ELOVL2: variants seen among roughly 807,000 people sequenced by gnomAD.
ELOVL2 encodes the protein very long chain fatty acid elongase 2.
A neutral mutation model predicts 37.7 loss-of-function variants in ELOVL2; 38 were observed. The ratio of observed to expected loss-of-function variants is 1.01; its 90% CI spans 0.78 to 1.32. The LOEUF (loss-of-function observed/expected upper bound fraction) is 1.32, where lower values mean the gene tolerates loss of function less well. ELOVL2 is among the 40% of genes most tolerant of loss of function. The pLI is 0.00. For missense variants in ELOVL2, 352 were observed against 363.6 expected (o/e 0.97, Z 0.26); for synonymous variants, 115 against 122.3 (o/e 0.94, Z 0.40).
intron 7 of ELOVL2, among the ~76,000 whole-genome samples, chr6:10,985,466 G>GGA (rs565031682): frequency 1.5e-5 from 1 of 64,784 alleles, no homozygotes; most frequent in African/African-American, 1.1e-4. Context: ...TAATGCCTAG[G>GGA]TTTTTATGGT....
chr6:11,021,285 GC>G lies in ELOVL2; in HGVS notation c.4-10477del, dbSNP rs567477171. Reference sequence around the variant, plus strand: ...CTCCTAACTCTGTTGGTTTTCCCTGGCCCCCCTTGTTCTCCCAAACTAGTCA... The same window carrying G: ...CTCCTAACTCTGTTGGTTTTCCCTGGCCCCCTTGTTCTCCCAAACTAGTCA... On this transcript the variant is annotated intron_variant, in intron 1 of 7. Coordinates refer to ENST00000354666, the MANE Select transcript of ELOVL2 (RefSeq NM_017770.4). Among the ~76,000 whole-genome samples, 160 of 152,206 alleles carry G rather than the reference GC, an allele frequency of 1.1e-3. 1 individual carries two copies. Among genetic ancestry groups the G allele is most frequent in the Middle Eastern group, 0.01 (3 of 294 alleles).
intron 1 of ELOVL2, among the ~76,000 whole-genome samples, chr6:11,025,520 GTCT>G (rs1272889810): frequency 6.6e-6 from 1 of 152,102 alleles, no homozygotes; most frequent in Non-Finnish European, 1.5e-5. Flanking sequence ...TTGTTCAAAA[GTCT>G]TCTTTTGAAT....
chr6:11,020,491 T>C (rs1413021674), intron 1 of ELOVL2, among the ~76,000 whole-genome samples: 1 of 152,194 alleles, frequency 6.6e-6, no homozygotes, highest in Non-Finnish European at 1.5e-5. Context: ...AAAACATCAG[T>C]AAAGCCAGTC....
chr6:11,032,778 G>T (rs1782949773), intron 1 of ELOVL2, among the ~76,000 whole-genome samples: 1 of 152,146 alleles, frequency 6.6e-6, no homozygotes, highest in Non-Finnish European at 1.5e-5. Flanking sequence ...ATTGCAGTAA[G>T]GGAGACAGAT....
intron 7 of ELOVL2, among the ~76,000 whole-genome samples, chr6:10,985,757 A>T (rs1782040868): frequency 6.6e-6 from 1 of 152,010 alleles, no homozygotes; most frequent in Non-Finnish European, 1.5e-5. Context: ...GTAGCCTTGT[A>T]GTATAGTTTG....
intron 1 of ELOVL2, among the ~76,000 whole-genome samples, chr6:11,020,835 T>C (rs932998818): frequency 6.6e-6 from 1 of 152,184 alleles, no homozygotes; most frequent in African/African-American, 2.4e-5. Flanking sequence ...TCATTATTTT[T>C]ATCATTACAA....
chr6:11,010,213 G>A (rs1360296973), intron 2 of ELOVL2, among the ~76,000 whole-genome samples: 9 of 151,866 alleles, frequency 5.9e-5, no homozygotes, highest in Non-Finnish European at 1.0e-4. Context: ...TAGTAGAGAC[G>A]GGGTTTCACC....
intron 5 of ELOVL2, 145 bp from the exon 6 acceptor site, chr6:10,990,587 T>G: frequency 1.4e-6 from 1 of 712,440 alleles, no homozygotes; most frequent in Non-Finnish European, 2.0e-6. Flanking sequence ...CACTAATAAA[T>G]TCCCCAATTA....
chr6:10,985,360 G>A (rs1200401095), intron 7 of ELOVL2, among the ~76,000 whole-genome samples: 1 of 151,342 alleles, frequency 6.6e-6, no homozygotes, highest in African/African-American at 2.4e-5. Context: ...AAGTTCTTTA[G>A]TTTAATTAGA....
intron 3 of ELOVL2, among the ~76,000 whole-genome samples, chr6:11,002,285 T>C (rs1029419306): frequency 1.8e-4 from 28 of 152,216 alleles, no homozygotes; most frequent in African/African-American, 6.8e-4. Flanking sequence ...GGGCAAAGGT[T>C]GTGTTCTAGA....
intron 5 of ELOVL2, among the ~76,000 whole-genome samples, chr6:10,992,794 ACAAAAC>A (rs761881953): frequency 1.7e-5 from 2 of 115,326 alleles, no homozygotes; most frequent in East Asian, 2.8e-4. Flanking sequence ...CTCAAAAAAA[ACAAAAC>A]AAAAAAAAAC....
At chr6:10,984,014 G>C in intron 7 of ELOVL2, 108 bp from the exon 8 acceptor site, 1 of 1,096,792 alleles carries the variant, frequency 9.1e-7, no homozygotes, top group Non-Finnish European at 1.3e-6. Flanking sequence ...TTGGGCGCAG[G>C]ATTTTCTGTT....
At chr6:11,000,378 CAT>C (rs1443150881) in intron 3 of ELOVL2, among the ~76,000 whole-genome samples, 6 of 152,132 alleles carry the variant, frequency 3.9e-5, no homozygotes, top group East Asian at 1.9e-4. Context: ...CCTTAATTAA[CAT>C]ATGTTACCTC....
chr6:11,037,930 T>C (rs922155376), intron 1 of ELOVL2, among the ~76,000 whole-genome samples: 1 of 152,210 alleles, frequency 6.6e-6, no homozygotes, highest in Non-Finnish European at 1.5e-5. Flanking sequence ...CTGTAATTTA[T>C]GGGAAAGAAA....
At chr6:11,010,710 T>C (rs778232194) in intron 2 of ELOVL2, 36 bp downstream of exon 2, 14 of 1,517,374 alleles carry the variant, frequency 9.2e-6, no homozygotes, top group Non-Finnish European at 1.1e-5. Flanking sequence ...TCTTCCTGTG[T>C]TCCTTCCACA....
At chr6:10,998,981 C>T (rs1179779329) in intron 4 of ELOVL2, among the ~76,000 whole-genome samples, 1 of 151,826 alleles carries the variant, frequency 6.6e-6, no homozygotes, top group Non-Finnish European at 1.5e-5. Context: ...ATCGAAGTGC[C>T]TACAGATATT....
chr6:11,009,944 C>T (rs944041499), intron 2 of ELOVL2, among the ~76,000 whole-genome samples: 1 of 151,592 alleles, frequency 6.6e-6, no homozygotes, highest in African/African-American at 2.4e-5. Context: ...GTACAGTAAG[C>T]GACTGGTGAT....
chr6:10,991,673 C>G (rs1782161688), intron 5 of ELOVL2, among the ~76,000 whole-genome samples: 1 of 152,188 alleles, frequency 6.6e-6, no homozygotes, highest in South Asian at 2.1e-4. Flanking sequence ...AGTAAATTCT[C>G]AACCAATACT....
chr6:11,012,429 C>A (rs909375762), intron 1 of ELOVL2, among the ~76,000 whole-genome samples: 1 of 152,114 alleles, frequency 6.6e-6, no homozygotes, highest in Non-Finnish European at 1.5e-5. Flanking sequence ...GGGCGGCTGA[C>A]CAGAGGCCTC....
Sources: allele counts gnomAD v4.1 joint callset (sites outside exome capture counted in the v4.1 genomes callset), GRCh38; gene constraint gnomAD v4.1.1; transcripts MANE v1.5; gene names NCBI Gene and HGNC (gene_info 2026-07-23, HGNC 2026-07-21).